Variants in DOCK2 observed in about 807,000 individuals in gnomAD.
The protein encoded by DOCK2 is dedicator of cytokinesis 2.
Under a neutral mutation model 248.9 loss-of-function variants are expected in DOCK2, and 87 were observed. The observed-to-expected ratio is 0.35, with a 90% confidence interval of 0.29 to 0.42. DOCK2 has a LOEUF of 0.42. Ranked by LOEUF, DOCK2 falls within the 10% of genes least tolerant of loss-of-function variation. The pLI, the probability that DOCK2 is intolerant of heterozygous loss-of-function variation, is 1.00. For synonymous variants in DOCK2, 805 were observed against 821.6 expected (o/e 0.98, Z 0.35); for missense variants, 1,747 against 2,300.2 (o/e 0.76, Z 4.92).
chr5:170,000,044 T>C (rs1754779733), intron 30 of DOCK2: 1 of 152,206 alleles, frequency 6.6e-6, no homozygotes, highest in Admixed American at 6.5e-5. Context: ...CTATTCAGGA[T>C]GCTGGTCCTT....
intron 22 of DOCK2, among the ~76,000 whole-genome samples, chr5:169,737,399 G>C (rs1003947039): frequency 2.6e-5 from 4 of 152,162 alleles, no homozygotes; most frequent in Admixed American, 6.5e-5. Context: ...TTATCTTAGG[G>C]AAATGGGGAG....
intron 25 of DOCK2, among the ~76,000 whole-genome samples, chr5:169,779,700 C>A (rs1435608655): frequency 6.6e-6 from 1 of 152,170 alleles, no homozygotes; most frequent in Admixed American, 6.5e-5. Flanking sequence ...GTCCCCACCC[C>A]ACCCCCGCAT....
In DOCK2 at chr5:170,019,229, A is replaced by C. The variant is rs917957859; in HGVS notation, c.3381+121A>C. On this transcript the variant is annotated intron_variant, in intron 33 of 51. Coordinates refer to ENST00000520908, the MANE Select transcript of DOCK2 (RefSeq NM_004946.3). ...AGAGGCTCGGCGGCAGGATAGGGAC[A>C]TTTATTCATGGGTCCGGAATGAGCT... 4 of 1,465,130 alleles carry C rather than the reference A, an allele frequency of 2.7e-6. No individual in the cohort carries two copies. In the Admixed American group the frequency reaches 5.7e-5, roughly 21 times the overall value. The allele number at this position is 1,465,130 out of a possible 1,614,324, so 90.8% of individuals were successfully genotyped here. A position where few individuals can be genotyped will look rare whatever the true frequency, so the allele number is the denominator to read the frequency against.
In DOCK2 at chr5:170,050,331, C is replaced by T. The variant is rs938288633; in HGVS notation, c.4147C>T (p.Pro1383Ser). The T allele has an allele frequency of 9.9e-6, 16 of 1,614,170 alleles. No individual in the cohort carries two copies. Among genetic ancestry groups the T allele is most frequent in the Non-Finnish European group, 1.4e-5 (16 of 1,180,018 alleles). The change falls in exon 41 of 52, where the codon CCC becomes TCC. Residue 1383 changes from proline (P) to serine (S), a missense_variant. Physicochemically the swap from Pro to Ser is moderately conservative, Grantham distance 74 (BLOSUM62 -1). Transcript: ENST00000520908. Reference protein sequence around the residue: ...DFQMQLMTQFPNAEKMNTTSA... With the variant: ...DFQMQLMTQFSNAEKMNTTSA... Reference sequence around the variant, plus strand: ...CCAGATGCAGCTGATGACCCAGTTCCCCAATGCAGAGAAGATGAACACCAC... The same window carrying T: ...CCAGATGCAGCTGATGACCCAGTTCTCCAATGCAGAGAAGATGAACACCAC...
At chr5:169,855,123 T>A (rs1770819764) in intron 27 of DOCK2, among the ~76,000 whole-genome samples, 1 of 152,244 alleles carries the variant, frequency 6.6e-6, no homozygotes, top group African/African-American at 2.4e-5. Flanking sequence ...AGCCTCCATT[T>A]GCTCTTCTGG....
At chr5:170,016,095 C>A (rs915895906) in intron 32 of DOCK2, among the ~76,000 whole-genome samples, 1 of 152,152 alleles carries the variant, frequency 6.6e-6, no homozygotes, top group Admixed American at 6.5e-5. Context: ...CACCCACACC[C>A]CCCTGAGCTC....
chr5:169,683,890 A>G (rs17645022), intron 7 of DOCK2, among the ~76,000 whole-genome samples: 38,965 of 152,198 alleles, frequency 0.26, 5,057 homozygotes, highest in East Asian at 0.32. Context: ...CATCTTTCAA[A>G]GAGCAAAAGT....
intron 27 of DOCK2, among the ~76,000 whole-genome samples, chr5:169,963,850 C>G (rs1322567485): frequency 2.6e-5 from 4 of 152,106 alleles, no homozygotes; most frequent in Admixed American, 1.3e-4. Context: ...TGAACATAGA[C>G]CGCTGGGCCT....
chr5:169,863,204 A>G (rs1771314070), intron 27 of DOCK2, among the ~76,000 whole-genome samples: 1 of 152,182 alleles, frequency 6.6e-6, no homozygotes, highest in Non-Finnish European at 1.5e-5. Context: ...AATAGAAAAA[A>G]CTATATCCTC....
chr5:169,803,653 T>C (rs992366400), intron 26 of DOCK2, among the ~76,000 whole-genome samples: 1 of 152,186 alleles, frequency 6.6e-6, no homozygotes, highest in Non-Finnish European at 1.5e-5. Context: ...GATGAGCAGA[T>C]TGCTGGGGCT....
intron 12 of DOCK2, 22 bp from the exon 13 acceptor site, chr5:169,699,992 A>C (rs1307846207): frequency 3.7e-6 from 6 of 1,612,600 alleles, no homozygotes; most frequent in Non-Finnish European, 5.1e-6. Flanking sequence ...TGGGCTCTTC[A>C]CGGTGAGCTG....
At chr5:169,712,090 T>C (rs753004618) in intron 16 of DOCK2, 30 bp from the exon 17 acceptor site, 1 of 1,614,032 alleles carries the variant, frequency 6.2e-7, no homozygotes. Context: ...TGTATCATTT[T>C]CTTTCCTGAC....
intron 27 of DOCK2, among the ~76,000 whole-genome samples, chr5:169,926,095 CA>C (rs1471268953): frequency 1.3e-5 from 2 of 152,130 alleles, no homozygotes; most frequent in Non-Finnish European, 2.9e-5. Context: ...CTCTTAGAGA[CA>C]AGTGGGATGC....
intron 27 of DOCK2, among the ~76,000 whole-genome samples, chr5:169,861,503 A>G (rs1771194126): frequency 6.6e-6 from 1 of 152,222 alleles, no homozygotes; most frequent in Non-Finnish European, 1.5e-5. Flanking sequence ...AAACTCCTGC[A>G]ATTTAAGTTG....
intron 25 of DOCK2, among the ~76,000 whole-genome samples, chr5:169,799,010 A>G (rs1308285876): frequency 1.3e-5 from 2 of 152,218 alleles, no homozygotes; most frequent in Non-Finnish European, 1.5e-5. Context: ...TTGCTTCAAG[A>G]GTTTATCAAA....
At chr5:169,961,272 G>A (rs1041648306) in intron 27 of DOCK2, among the ~76,000 whole-genome samples, 1 of 152,120 alleles carries the variant, frequency 6.6e-6, no homozygotes, top group Non-Finnish European at 1.5e-5. Flanking sequence ...TCAGAGTTCT[G>A]GTATCTGTGA....
chr5:169,698,334 G>A (rs751668144), intron 10 of DOCK2, 40 bp from the exon 11 acceptor site: 4 of 1,598,670 alleles, frequency 2.5e-6, no homozygotes, highest in African/African-American at 2.7e-5. Flanking sequence ...ATGGGAACAG[G>A]AAGAAGTTAA....
intron 32 of DOCK2, 100 bp downstream of exon 32, chr5:170,008,846 C>CATGA (rs1208296089): frequency 7.4e-7 from 1 of 1,358,218 alleles, no homozygotes; most frequent in Admixed American, 1.7e-5. Context: ...GCAGTGGGAG[C>CATGA]ATGAAATAAC....
chr5:169,760,364 G>T (rs1195641676), intron 24 of DOCK2, among the ~76,000 whole-genome samples: 1 of 152,152 alleles, frequency 6.6e-6, no homozygotes, highest in South Asian at 2.1e-4. Flanking sequence ...GAGTTGCAAA[G>T]ATTACATACA....
Sources: gnomAD v4.1 joint callset for allele counts (sites outside exome capture counted in the v4.1 genomes callset) on GRCh38, gnomAD v4.1.1 for gene constraint, MANE v1.5 for transcripts, NCBI Gene and HGNC (gene_info 2026-07-23, HGNC 2026-07-21) for gene names.